MYT1L: variants seen among roughly 807,000 people sequenced by gnomAD.
MYT1L encodes myelin transcription factor 1 like.
MYT1L carries 12 observed loss-of-function variants against 126.7 expected under a neutral mutation model. The observed-to-expected ratio is 0.09, with a 90% CI of 0.06 to 0.15. The LOEUF (loss-of-function observed/expected upper bound fraction) is 0.15, where lower values mean the gene tolerates loss of function less well. Ranked by LOEUF, MYT1L falls within the 10% of genes least tolerant of loss-of-function variation. MYT1L has a pLI of 1.00. For synonymous variants in MYT1L, 541 were observed against 604.2 expected (o/e 0.90, Z 1.53); for missense variants, 979 against 1,585.2 (o/e 0.62, Z 6.49).
At chr2:1,989,655 AT>A (rs2061325210) in intron 5 of MYT1L, among the ~76,000 whole-genome samples, 1 of 152,108 alleles carries the variant, frequency 6.6e-6, no homozygotes, top group Non-Finnish European at 1.5e-5. Context: ...TTTCCTACCT[AT>A]AGGGGGAAAC....
At chr2:1,927,418 T>G (rs17247429) in intron 9 of MYT1L, among the ~76,000 whole-genome samples, 4,377 of 152,354 alleles carry the variant, frequency 0.029, 92 homozygotes, top group Non-Finnish European at 0.046. Flanking sequence ...TGAAAACATC[T>G]TCTTAAACAA....
At position 1,947,790 on chromosome 2, in the gene MYT1L, C is replaced by T. The variant is rs576390932; in HGVS notation, c.153-4456G>A. Among the ~76,000 whole-genome samples the T allele has an allele frequency of 3.3e-5, 5 of 152,334 alleles. No homozygotes were observed. In the South Asian group the frequency reaches 1.0e-3, roughly 32 times the overall value. On this transcript the variant is annotated intron_variant, in intron 8 of 24. Transcript: ENST00000647738. ...GTGAGTGTGTGTGGAAAGTCAAGTA[C>T]ACATGGAAAAGAAAAGTGAGGAGTT...
At chr2:2,251,976 G>A (rs1381734665) in intron 2 of MYT1L, among the ~76,000 whole-genome samples, 1 of 152,018 alleles carries the variant, frequency 6.6e-6, no homozygotes, top group Non-Finnish European at 1.5e-5. Flanking sequence ...CAGGCAATGG[G>A]GAACACAGCA....
chr2:2,261,632 G>A (rs59274193), intron 2 of MYT1L, among the ~76,000 whole-genome samples: 3,329 of 152,258 alleles, frequency 0.022, 105 homozygotes, highest in African/African-American at 0.075. Flanking sequence ...TATGTTAGAA[G>A]TCAAAAAGAA....
At chr2:1,973,105 CAT>C (rs1488890719) in intron 8 of MYT1L, among the ~76,000 whole-genome samples, 1 of 152,174 alleles carries the variant, frequency 6.6e-6, no homozygotes, top group Non-Finnish European at 1.5e-5. Flanking sequence ...ACAAAACAGA[CAT>C]GTGAGGAATG....
rs867902447 is a variant in MYT1L, at chr2:1,811,161, A to G, written c.3081-1994T>C. On this transcript the variant is annotated intron_variant, in intron 21 of 24. Coordinates refer to ENST00000647738, the MANE Select transcript of MYT1L (RefSeq NM_001303052.2). The surrounding 1 kb of genome is among the most constrained non-coding windows in gnomAD (Gnocchi z 4.4). ...CCTCGGTCTCGGACTTCCAGTCTCCAGAACTTGGAGGAATAAATTTCTGGT... is the reference window on the plus strand; with the variant it reads ...CCTCGGTCTCGGACTTCCAGTCTCCGGAACTTGGAGGAATAAATTTCTGGT... 2 of 152,184 alleles carry G rather than the reference A, an allele frequency of 1.3e-5. No homozygotes were observed. Among genetic ancestry groups the G allele is most frequent in the African/African-American group, 4.8e-5 (2 of 41,434 alleles). 9.4% of individuals were successfully genotyped at this position (152,184 alleles called of 1,614,324 possible). A position where few individuals can be genotyped will look rare whatever the true frequency, so the allele number is the denominator to read the frequency against.
intron 3 of MYT1L, among the ~76,000 whole-genome samples, chr2:2,086,502 A>C (rs2076364208): frequency 6.6e-6 from 1 of 152,154 alleles, no homozygotes; most frequent in Non-Finnish European, 1.5e-5. Flanking sequence ...CATCATACCC[A>C]TTTGTTCTAC....
chr2:1,985,403 C>G (rs916256217), intron 5 of MYT1L, among the ~76,000 whole-genome samples: 2 of 152,166 alleles, frequency 1.3e-5, no homozygotes, highest in Non-Finnish European at 2.9e-5. Context: ...TTCCCAACAG[C>G]ACTTCTTCCT....
chr2:1,967,616 C>T (rs1407425029), intron 8 of MYT1L, among the ~76,000 whole-genome samples: 2 of 152,230 alleles, frequency 1.3e-5, no homozygotes, highest in Non-Finnish European at 2.9e-5. Context: ...AAAGCAGGTG[C>T]ACCTTATTCT....
At chr2:1,876,293 G>C (rs970568587) in intron 18 of MYT1L, among the ~76,000 whole-genome samples, 1 of 152,198 alleles carries the variant, frequency 6.6e-6, no homozygotes, top group African/African-American at 2.4e-5. Flanking sequence ...GAGTCTGGGA[G>C]AGTGAGAAGG....
intron 19 of MYT1L, among the ~76,000 whole-genome samples, chr2:1,850,905 C>T (rs907694925): frequency 5.9e-5 from 9 of 152,108 alleles, no homozygotes; most frequent in African/African-American, 9.7e-5. Flanking sequence ...CCAGTCTCCC[C>T]GACTACAGGA....
chr2:2,148,415 G>C (rs1305766470), intron 3 of MYT1L, among the ~76,000 whole-genome samples: 1 of 152,194 alleles, frequency 6.6e-6, no homozygotes, highest in Non-Finnish European at 1.5e-5. Flanking sequence ...TCTGATGGGG[G>C]GCGGAGCTCA....
intron 3 of MYT1L, among the ~76,000 whole-genome samples, chr2:2,060,667 C>T (rs148659616): frequency 0.013 from 1,665 of 127,138 alleles, 39 homozygotes; most frequent in African/African-American, 0.048. Context: ...CCCTGTCTCC[C>T]TCCCCTCCCC....
intron 14 of MYT1L, among the ~76,000 whole-genome samples, chr2:1,893,624 G>A (rs2049202514): frequency 6.6e-6 from 1 of 152,190 alleles, no homozygotes; most frequent in South Asian, 2.1e-4. Flanking sequence ...AGTTGGTCAT[G>A]GCTCCTGCGG....
chr2:2,223,210 T>A (rs1300558915), intron 2 of MYT1L, among the ~76,000 whole-genome samples: 1 of 152,224 alleles, frequency 6.6e-6, no homozygotes, highest in African/African-American at 2.4e-5. Flanking sequence ...TCAGACCTGG[T>A]TAACTCCTTT....
intron 2 of MYT1L, among the ~76,000 whole-genome samples, chr2:2,278,118 C>A (rs556260711): frequency 1.3e-5 from 2 of 152,302 alleles, no homozygotes; most frequent in South Asian, 4.1e-4. Flanking sequence ...AAAGCTTTTA[C>A]TTTTATGAGT....
intron 19 of MYT1L, among the ~76,000 whole-genome samples, chr2:1,851,412 C>A (rs1179902198): frequency 6.6e-6 from 1 of 152,160 alleles, no homozygotes; most frequent in Admixed American, 6.5e-5. Flanking sequence ...GCCACTTGCA[C>A]TGCATGTGAG....
rs369865292 is a variant in MYT1L at position 2,187,741 on chromosome 2, A to G, written c.-420-14753T>C. Among the ~76,000 whole-genome samples the G allele has an allele frequency of 4.1e-4, 63 of 152,256 alleles. 1 individual carries two copies. The highest frequency in any genetic ancestry group is 1.5e-3 in the African/African-American group (63 of 41,566). On this transcript the variant is annotated intron_variant, in intron 2 of 24. Transcript: ENST00000647738. ...TCAGCCTGGGCTGTTTAGTTGGCCA[A>G]TATATCTTACTGGATAAGTTCTTGA...
intron 2 of MYT1L, among the ~76,000 whole-genome samples, chr2:2,220,566 G>A (rs2093829730): frequency 1.3e-5 from 2 of 151,986 alleles, no homozygotes; most frequent in Non-Finnish European, 2.9e-5. Flanking sequence ...GGATTGGGAG[G>A]GCCTGGAAGA....
Sources: allele counts gnomAD v4.1 joint callset (sites outside exome capture counted in the v4.1 genomes callset), GRCh38; gene constraint gnomAD v4.1.1; non-coding constraint Gnocchi (gnomAD v3.1); transcripts MANE v1.5; gene names NCBI Gene and HGNC (gene_info 2026-07-23, HGNC 2026-07-21).